NXPE4: variants seen among roughly 807,000 people sequenced by gnomAD.
NXPE4 encodes the protein neurexophilin and PC-esterase domain family member 4.
NXPE4 carries 42 observed loss-of-function variants against 33.3 expected under a neutral mutation model. The ratio of observed to expected loss-of-function variants is 1.26; its 90% confidence interval spans 0.98 to 1.63. The LOEUF is 1.63. Among genes scored for constraint, NXPE4 ranks in the 40% most tolerant of loss-of-function variants. NXPE4 has a pLI of 0.00. For synonymous variants in NXPE4, 253 were observed against 234.9 expected (o/e 1.08, Z -0.71); for missense variants, 709 against 647.6 (o/e 1.09, Z -1.03).
At chr11:114,640,147 TG>T in the NXPE4 span, among the ~76,000 whole-genome samples, 6 of 97,568 alleles carry the variant, frequency 6.1e-5, no homozygotes, top group Admixed American at 1.3e-4. Context: ...ATATAATATA[TG>T]ATATATTAAT....
chr11:114,673,432 A>C, the NXPE4 span, among the ~76,000 whole-genome samples: 1 of 151,680 alleles, frequency 6.6e-6, no homozygotes, highest in African/African-American at 2.4e-5. Flanking sequence ...GAAAATGTAG[A>C]GCAAACTAAG....
At chr11:114,654,855 CA>C in the NXPE4 span, among the ~76,000 whole-genome samples, 2 of 152,152 alleles carry the variant, frequency 1.3e-5, no homozygotes, top group South Asian at 4.1e-4. Flanking sequence ...ATTGCTGGGT[CA>C]AATGGTATTT....
At chr11:114,602,380 ATT>A in the NXPE4 span, among the ~76,000 whole-genome samples, 2 of 128,242 alleles carry the variant, frequency 1.6e-5, no homozygotes, top group African/African-American at 5.7e-5. Flanking sequence ...TACAATATAT[ATT>A]ATGCTATATA....
At chr11:114,620,083 G>T in the NXPE4 span, among the ~76,000 whole-genome samples, 4 of 152,068 alleles carry the variant, frequency 2.6e-5, no homozygotes, top group Non-Finnish European at 1.5e-5. Context: ...AATAAGTGTT[G>T]CCTCTTGGGT....
At chr11:114,596,787 A>G (rs759482033), upstream of NXPE4, among the ~76,000 whole-genome samples, 1 of 152,222 alleles carries the variant, frequency 6.6e-6, no homozygotes, top group Non-Finnish European at 1.5e-5. Context: ...ACTCTGAGAC[A>G]TATAGATTTA....
At chr11:114,605,308 A>G in the NXPE4 span, among the ~76,000 whole-genome samples, 1 of 151,814 alleles carries the variant, frequency 6.6e-6, no homozygotes, top group Non-Finnish European at 1.5e-5. Flanking sequence ...CTTGTGGGTA[A>G]CCACTCTTAC....
At chr11:114,603,439 G>C in the NXPE4 span, among the ~76,000 whole-genome samples, 3 of 151,066 alleles carry the variant, frequency 2.0e-5, no homozygotes, top group African/African-American at 7.3e-5. Context: ...TCGTCTCCTA[G>C]GTAAATTCCA....
the NXPE4 span, among the ~76,000 whole-genome samples, chr11:114,662,183 C>T: frequency 6.6e-6 from 1 of 152,106 alleles, no homozygotes; most frequent in Admixed American, 6.5e-5. Context: ...CCACCATCAA[C>T]CCCCAGCATT....
At chr11:114,677,588 C>T in the NXPE4 span, among the ~76,000 whole-genome samples, 1 of 151,984 alleles carries the variant, frequency 6.6e-6, no homozygotes, top group Admixed American at 6.6e-5. Flanking sequence ...AATCTCTGTG[C>T]CAATCTCCAA....
chr11:114,614,383 A>G, the NXPE4 span, among the ~76,000 whole-genome samples: 1 of 151,504 alleles, frequency 6.6e-6, no homozygotes, highest in Admixed American at 6.6e-5. Context: ...CTGGTGGATA[A>G]TAAGTGTAGC....
chr11:114,655,910 T>G, the NXPE4 span, among the ~76,000 whole-genome samples: 1 of 152,136 alleles, frequency 6.6e-6, no homozygotes. Flanking sequence ...TCTACATAGT[T>G]TTGGAACTTC....
At chr11:114,622,166 GATA>G in the NXPE4 span, among the ~76,000 whole-genome samples, 3 of 151,950 alleles carry the variant, frequency 2.0e-5, no homozygotes, top group East Asian at 5.8e-4. Flanking sequence ...TTACCCAGTG[GATA>G]ATAAGTATTG....
chr11:114,661,911 A>G, the NXPE4 span, among the ~76,000 whole-genome samples: 1 of 152,196 alleles, frequency 6.6e-6, no homozygotes, highest in African/African-American at 2.4e-5. Context: ...GTGCAAAGGC[A>G]ATTCAATGAA....
chr11:114,657,649 T>C, the NXPE4 span, among the ~76,000 whole-genome samples: 1 of 152,182 alleles, frequency 6.6e-6, no homozygotes, highest in Non-Finnish European at 1.5e-5. Flanking sequence ...ATATGATTGG[T>C]TTTCTTTATA....
At chr11:114,662,875 C>T in the NXPE4 span, among the ~76,000 whole-genome samples, 27 of 152,238 alleles carry the variant, frequency 1.8e-4, no homozygotes, top group South Asian at 8.3e-4. Context: ...AGAGCACTTG[C>T]GCCTTGAATA....
At chr11:114,659,015 C>A in the NXPE4 span, among the ~76,000 whole-genome samples, 1 of 152,072 alleles carries the variant, frequency 6.6e-6, no homozygotes, top group East Asian at 1.9e-4. Context: ...CTGAGAAAAA[C>A]CCTTTGTCAA....
chr11:114,647,705 A>T, the NXPE4 span, among the ~76,000 whole-genome samples: 20 of 147,544 alleles, frequency 1.4e-4, no homozygotes, highest in Non-Finnish European at 2.4e-4. Flanking sequence ...ATTTTATTTT[A>T]TTTTTTTTTT....
chr11:114,615,506 T>C, the NXPE4 span, among the ~76,000 whole-genome samples: 1 of 151,948 alleles, frequency 6.6e-6, no homozygotes, highest in Non-Finnish European at 1.5e-5. Context: ...TGGTGGATAA[T>C]ACATGTTGCC....
chr11:114,603,663 C>T, the NXPE4 span, among the ~76,000 whole-genome samples: 10 of 151,668 alleles, frequency 6.6e-5, no homozygotes, highest in Non-Finnish European at 1.5e-5. Context: ...CAAGTATTGC[C>T]TCGTCTCTTG....
Sources: allele counts gnomAD v4.1 joint callset (sites outside exome capture counted in the v4.1 genomes callset), GRCh38; gene constraint gnomAD v4.1.1; transcripts MANE v1.5; gene names NCBI Gene and HGNC (gene_info 2026-07-23, HGNC 2026-07-21).